Variants in UTRN observed in about 807,000 individuals in gnomAD.
UTRN encodes the protein utrophin.
UTRN carries 283 observed loss-of-function variants against 463.9 expected under a neutral mutation model. That is an observed-to-expected ratio of 0.61 (90% CI 0.55 to 0.67). The LOEUF (loss-of-function observed/expected upper bound fraction) is 0.67. Ranked by LOEUF, UTRN falls within the 30% of genes least tolerant of loss-of-function variation. The pLI is 0.00. For synonymous variants in UTRN, 1,442 were observed against 1,431.5 expected (o/e 1.01, Z -0.17); for missense variants, 3,922 against 4,084.3 (o/e 0.96, Z 1.08).
intron 32 of UTRN, among the ~76,000 whole-genome samples, chr6:144,491,765 A>G (rs1426910017): frequency 2.0e-5 from 3 of 152,162 alleles, no homozygotes; most frequent in African/African-American, 4.8e-5. Context: ...ATGTGCATGT[A>G]TGTAAGTATT....
At chr6:144,359,304 C>G (rs1483993826) in intron 2 of UTRN, among the ~76,000 whole-genome samples, 2 of 152,212 alleles carry the variant, frequency 1.3e-5, no homozygotes, top group East Asian at 3.8e-4. Flanking sequence ...TGCCAGGTGT[C>G]TTGCAGGGGC....
intron 35 of UTRN, 149 bp from the exon 36 acceptor site, chr6:144,513,760 T>G: frequency 1.3e-6 from 1 of 768,370 alleles, no homozygotes; most frequent in South Asian, 2.4e-5. Flanking sequence ...GATGAGTTAT[T>G]CACTGAAGAA....
chr6:144,357,969 T>C (rs903065609), intron 2 of UTRN, among the ~76,000 whole-genome samples: 27 of 152,346 alleles, frequency 1.8e-4, no homozygotes, highest in Non-Finnish European at 3.2e-4. Flanking sequence ...ACCATTCTTA[T>C]ACACTAGTTT....
intron 52 of UTRN, among the ~76,000 whole-genome samples, chr6:144,695,534 G>A (rs533324858): frequency 4.9e-4 from 74 of 152,074 alleles, no homozygotes; most frequent in Middle Eastern, 3.4e-3. Flanking sequence ...TAGTAGAGAC[G>A]GGGTTTCACC....
chr6:144,459,741 C>T (rs1282651012), intron 21 of UTRN, among the ~76,000 whole-genome samples: 2 of 152,106 alleles, frequency 1.3e-5, no homozygotes, highest in Non-Finnish European at 2.9e-5. Context: ...CAGGCATGCA[C>T]CACCATGCCT....
intron 52 of UTRN, among the ~76,000 whole-genome samples, chr6:144,690,074 GTTTT>G (rs1554339291): frequency 3.2e-5 from 1 of 31,266 alleles, no homozygotes; most frequent in Non-Finnish European, 5.0e-5. Context: ...AAAAGTTTCT[GTTTT>G]TTTTTTTTTT....
intron 3 of UTRN, among the ~76,000 whole-genome samples, chr6:144,412,905 C>T (rs149346645): frequency 1.3e-5 from 2 of 152,076 alleles, no homozygotes; most frequent in East Asian, 1.9e-4. Context: ...ATTTGTTATT[C>T]GTTTGTAAGA....
At chr6:144,419,892 G>A (rs1170164729) in intron 3 of UTRN, among the ~76,000 whole-genome samples, 1 of 152,080 alleles carries the variant, frequency 6.6e-6, no homozygotes, top group Non-Finnish European at 1.5e-5. Flanking sequence ...AAGCTGTTGA[G>A]TGTGCAGAAA....
chr6:144,629,357 C>G (rs775549495), intron 51 of UTRN, among the ~76,000 whole-genome samples: 1 of 152,180 alleles, frequency 6.6e-6, no homozygotes, highest in African/African-American at 2.4e-5. Flanking sequence ...TTCTTGTGTG[C>G]TCTTCCAGAG....
In UTRN at chr6:144,708,619, G is replaced by A. The variant is rs139294424; in HGVS notation, c.7809+8376G>A. 1.5e-3 allele frequency: 320 copies of A among 217,908 alleles called. 4 individuals are homozygous for A. The highest frequency in any genetic ancestry group is 7.0e-3 in the African/African-American group (305 of 43,334). The allele number at this position is 217,908 out of a possible 1,614,324, so 13.5% of individuals were successfully genotyped here. ...AGAGTTCCTGTTCTCTGTGTTTTGA[G>A]AAATCATTTCCCAAAAGGTTATGGC... On this transcript the variant is annotated intron_variant, in intron 53 of 74. Transcript: ENST00000367545.
intron 51 of UTRN, among the ~76,000 whole-genome samples, chr6:144,626,752 G>A (rs868183207): frequency 1.2e-4 from 18 of 152,154 alleles, no homozygotes; most frequent in Non-Finnish European, 1.6e-4. Flanking sequence ...CAATTCTCCT[G>A]TCTCAGCCTC....
At chr6:144,731,645 T>C (rs917670221) in intron 54 of UTRN, among the ~76,000 whole-genome samples, 1 of 152,162 alleles carries the variant, frequency 6.6e-6, no homozygotes, top group Non-Finnish European at 1.5e-5. Context: ...CCATAATCTT[T>C]TTGACTCTCT....
At chr6:144,553,410 T>G (rs1217641375) in intron 48 of UTRN, among the ~76,000 whole-genome samples, 2 of 152,180 alleles carry the variant, frequency 1.3e-5, no homozygotes, top group Non-Finnish European at 2.9e-5. Flanking sequence ...CCATGATAAC[T>G]CAGCTGGAAT....
intron 2 of UTRN, among the ~76,000 whole-genome samples, chr6:144,380,397 G>C (rs1357921887): frequency 1.3e-5 from 2 of 152,146 alleles, no homozygotes; most frequent in Non-Finnish European, 2.9e-5. Context: ...GGTGGTTTAA[G>C]TTTCCTTCCT....
chr6:144,844,429 C>A (rs1404660469), intron 73 of UTRN, among the ~76,000 whole-genome samples: 1 of 152,070 alleles, frequency 6.6e-6, no homozygotes, highest in Non-Finnish European at 1.5e-5. Context: ...CCACCACGCC[C>A]AACTAATTTT....
intron 13 of UTRN, among the ~76,000 whole-genome samples, chr6:144,443,868 G>A (rs1787404680): frequency 6.6e-6 from 1 of 152,070 alleles, no homozygotes; most frequent in Non-Finnish European, 1.5e-5. Context: ...GTAAAAGAGA[G>A]TTAAGGAATA....
chr6:144,591,967 A>G (rs1407662071), intron 51 of UTRN, among the ~76,000 whole-genome samples: 3 of 152,140 alleles, frequency 2.0e-5, no homozygotes, highest in African/African-American at 4.8e-5. Flanking sequence ...TTAAAAGTCT[A>G]GAGTGTAGCT....
chr6:144,377,800 G>A (rs1202205935), intron 2 of UTRN, among the ~76,000 whole-genome samples: 1 of 152,170 alleles, frequency 6.6e-6, no homozygotes, highest in Non-Finnish European at 1.5e-5. Context: ...GCTTCAGCAT[G>A]CCCTTATTAG....
chr6:144,703,266 C>A (rs912598094), intron 53 of UTRN, among the ~76,000 whole-genome samples: 2 of 152,082 alleles, frequency 1.3e-5, no homozygotes, highest in African/African-American at 4.8e-5. Context: ...GCTGGAGGAG[C>A]AGTCTGGGAA....
Sources: allele counts gnomAD v4.1 joint callset (sites outside exome capture counted in the v4.1 genomes callset), GRCh38; gene constraint gnomAD v4.1.1; transcripts MANE v1.5; gene names NCBI Gene and HGNC (gene_info 2026-07-23, HGNC 2026-07-21).